The following XPO7 variants were observed in gnomAD, a reference collection of about 807,000 sequenced individuals.
The protein encoded by XPO7 is exportin 7.
Under a neutral mutation model 144.3 loss-of-function variants are expected in XPO7, and 21 were observed. The ratio of observed to expected loss-of-function variants is 0.15; its 90% CI spans 0.10 to 0.21. The LOEUF (loss-of-function observed/expected upper bound fraction) is 0.21. Among genes scored for constraint, XPO7 ranks in the 10% least tolerant of loss-of-function variants. The pLI is 1.00. For synonymous variants in XPO7, 580 were observed against 499.6 expected, an observed-to-expected ratio of 1.16 and a Z score of -2.15; for missense variants, 808 against 1,325.8, an observed-to-expected ratio of 0.61 and a Z score of 6.06.
intron 1 of XPO7, among the ~76,000 whole-genome samples, chr8:21,944,384 G>T (rs1025703629): frequency 6.6e-6 from 1 of 151,986 alleles, no homozygotes; most frequent in Non-Finnish European, 1.5e-5. Context: ...CCTGGCCAAC[G>T]TGGTGAAACC....
intron 1 of XPO7, among the ~76,000 whole-genome samples, chr8:21,935,294 G>A (rs1810785834): frequency 6.6e-6 from 1 of 152,130 alleles, no homozygotes; most frequent in Admixed American, 6.5e-5. Flanking sequence ...CCATATTGCT[G>A]GAACCAAAAG....
intron 1 of XPO7, among the ~76,000 whole-genome samples, chr8:21,935,249 G>C (rs1229981283): frequency 2.0e-5 from 3 of 152,328 alleles, no homozygotes; most frequent in Non-Finnish European, 4.4e-5. Flanking sequence ...AGCTGTAGAT[G>C]TTTGTGGCAG....
At position 22,006,542 on chromosome 8, in the gene XPO7, T is replaced by C. The variant is rs1813337665; in HGVS notation, c.*1454T>C. On this transcript the variant is annotated 3_prime_UTR_variant, in exon 28 of 28. Transcript: ENST00000252512. ...TTGTAAGGGTGTTTGCTGCATACAG[T>C]GTAAGCATTGTGACCGCCAATAAAC... 6.6e-6 allele frequency: 1 copy of C among 152,200 alleles called. No homozygotes were observed. Among genetic ancestry groups the C allele is most frequent in the Admixed American group, 6.5e-5 (1 of 15,282 alleles). 9.4% of individuals were successfully genotyped at this position (152,200 alleles called of 1,614,324 possible). A position where few individuals can be genotyped will look rare whatever the true frequency, so the allele number is the denominator to read the frequency against.
intron 1 of XPO7, among the ~76,000 whole-genome samples, chr8:21,961,923 A>C (rs1486154669): frequency 6.6e-6 from 1 of 152,228 alleles, no homozygotes; most frequent in Non-Finnish European, 1.5e-5. Flanking sequence ...TGAGCCTCCC[A>C]AAGTGCTGGG....
intron 26 of XPO7, among the ~76,000 whole-genome samples, 186 bp downstream of exon 26, chr8:22,003,503 A>T (rs1260514157): frequency 6.6e-6 from 1 of 152,250 alleles, no homozygotes; most frequent in Non-Finnish European, 1.5e-5. Context: ...GTTAGAAGTC[A>T]GCATGTGTGG....
chr8:21,986,751 A>G (rs577967689), intron 13 of XPO7, among the ~76,000 whole-genome samples: 5 of 152,244 alleles, frequency 3.3e-5, no homozygotes, highest in Non-Finnish European at 7.3e-5. Flanking sequence ...TCATTCACTC[A>G]TGATGTGTCA....
chr8:21,938,575 G>A (rs114830159), intron 1 of XPO7, among the ~76,000 whole-genome samples: 1,948 of 152,150 alleles, frequency 0.013, 41 homozygotes, highest in African/African-American at 0.042. Flanking sequence ...GGTAGGATGC[G>A]TCATTTACAT....
rs552139801 is a variant in XPO7 at position 21,951,368 on chromosome 8, TTC to T, written c.19-15485_19-15484del. Among the ~76,000 whole-genome samples the T allele has an allele frequency of 9.2e-5, 14 of 152,258 alleles. No individual in the cohort carries two copies. In the South Asian group the frequency reaches 1.7e-3, roughly 18 times the overall value. On this transcript the variant is annotated intron_variant, in intron 1 of 27. Transcript: ENST00000252512. ...CATATACTCTTAATCATCCTTACTC[TTC>T]TCTGTTTTTTTTATAGTATTTATCA...
Position 21,999,646 on chromosome 8 carries a change from T to A in XPO7, c.2754T>A (p.Ser918=). ...CTCACGTCATCATGTATATTCTCTC[T>A]TCCATTTCTGAAGGACTTACTGCAC... is the stretch of plus-strand genomic sequence containing the variant. ...LEPHVIMYIL[S]SISEGLTALD... The change falls in exon 24 of 28, where the codon TCT becomes TCA. Residue 918 remains serine (S), a synonymous_variant. Coordinates refer to ENST00000252512, the MANE Select transcript of XPO7 (RefSeq NM_015024.5). 6.2e-7 allele frequency: 1 copy of A among 1,614,042 alleles called. No individual in the cohort carries two copies. Among genetic ancestry groups the A allele is most frequent in the South Asian group, 1.1e-5 (1 of 91,088 alleles).
chr8:21,972,401 C>A (rs199844140), intron 5 of XPO7, among the ~76,000 whole-genome samples: 1 of 152,018 alleles, frequency 6.6e-6, no homozygotes, highest in Non-Finnish European at 1.5e-5. Flanking sequence ...CGCTTGAACC[C>A]GGGAGGTGGA....
chr8:21,952,114 G>A (rs1487614461), intron 1 of XPO7, among the ~76,000 whole-genome samples: 4 of 152,170 alleles, frequency 2.6e-5, no homozygotes, highest in Non-Finnish European at 5.9e-5. Flanking sequence ...TGCCACTTTA[G>A]GATGTGAGGG....
intron 1 of XPO7, among the ~76,000 whole-genome samples, chr8:21,952,977 A>G (rs1811420617): frequency 6.6e-6 from 1 of 152,324 alleles, no homozygotes; most frequent in Non-Finnish European, 1.5e-5. Context: ...AAAACTGAGC[A>G]GAAAGTACAG....
intron 22 of XPO7, 65 bp from the exon 23 acceptor site, chr8:21,999,026 G>C: frequency 6.3e-7 from 1 of 1,585,906 alleles, no homozygotes; most frequent in Non-Finnish European, 8.6e-7. Flanking sequence ...CTTTGGAGTA[G>C]GAAGGCTGAT....
At chr8:21,931,401 T>A (rs984145718) in intron 1 of XPO7, among the ~76,000 whole-genome samples, 1 of 151,986 alleles carries the variant, frequency 6.6e-6, no homozygotes, top group Non-Finnish European at 1.5e-5. Flanking sequence ...GACCTCAGCC[T>A]CCCAAATTGG....
chr8:21,970,116 G>C, intron 3 of XPO7, 28 bp from the exon 4 acceptor site: 1 of 1,599,258 alleles, frequency 6.3e-7, no homozygotes, highest in South Asian at 1.1e-5. Flanking sequence ...TATGTGGATT[G>C]GTTTTGTTTC....
chr8:21,931,648 C>T (rs572585039), intron 1 of XPO7, among the ~76,000 whole-genome samples: 32 of 152,306 alleles, frequency 2.1e-4, no homozygotes, highest in Non-Finnish European at 3.1e-4. Context: ...AGGTCATAGT[C>T]TCAGGAGTTT....
At chr8:21,920,271 C>G (rs996885036) in intron 1 of XPO7, among the ~76,000 whole-genome samples, 1 of 152,198 alleles carries the variant, frequency 6.6e-6, no homozygotes, top group Non-Finnish European at 1.5e-5. Context: ...CCGCCTTCCT[C>G]TCACGCCCCG....
intron 1 of XPO7, among the ~76,000 whole-genome samples, chr8:21,956,256 A>G (rs1426871652): frequency 1.3e-5 from 2 of 152,012 alleles, no homozygotes; most frequent in African/African-American, 2.4e-5. Context: ...TCTTGTTTCC[A>G]GTGTTCCTTT....
chr8:21,963,023 ATAAAT>A (rs1037149495), intron 1 of XPO7, among the ~76,000 whole-genome samples: 11 of 152,344 alleles, frequency 7.2e-5, no homozygotes, highest in African/African-American at 2.2e-4. Flanking sequence ...TAAGGGGGAC[ATAAAT>A]TAAAAGGGTT....
Sources: gnomAD v4.1 joint callset for allele counts (sites outside exome capture counted in the v4.1 genomes callset) on GRCh38, gnomAD v4.1.1 for gene constraint, MANE v1.5 for transcripts, NCBI Gene and HGNC (gene_info 2026-07-23, HGNC 2026-07-21) for gene names.